JAG2: variants seen among roughly 807,000 people sequenced by gnomAD.
JAG2 encodes jagged canonical Notch ligand 2, also known as protein jagged-2.
Under a neutral mutation model 141.7 loss-of-function variants are expected in JAG2, and 46 were observed. The ratio of observed to expected loss-of-function variants is 0.32; its 90% CI spans 0.26 to 0.42. JAG2 has a LOEUF of 0.42. JAG2 is among the 10% of genes least tolerant of loss of function. The pLI is 1.00. For synonymous variants in JAG2, 862 were observed against 763.5 expected (o/e 1.13, Z -2.13); for missense variants, 1,500 against 1,817.5 (o/e 0.83, Z 3.18).
chr14:105,153,489 G>A (rs1888497487), intron 5 of JAG2, among the ~76,000 whole-genome samples: 1 of 152,186 alleles, frequency 6.6e-6, no homozygotes, highest in South Asian at 2.1e-4. Context: ...GGGTCCCAAG[G>A]GCGTGCTCTC....
At chr14:105,165,092 G>A (rs2140996417) in intron 2 of JAG2, among the ~76,000 whole-genome samples, 1 of 152,314 alleles carries the variant, frequency 6.6e-6, no homozygotes, top group African/African-American at 2.4e-5. Context: ...TGGCAGGCAG[G>A]CTCCTGGGCT....
chr14:105,153,544 TC>T (rs1199627545), intron 5 of JAG2, among the ~76,000 whole-genome samples: 1 of 152,138 alleles, frequency 6.6e-6, no homozygotes, highest in East Asian at 1.9e-4. Flanking sequence ...CCTCCTGGTT[TC>T]CCCAGCCAGC....
intron 2 of JAG2, among the ~76,000 whole-genome samples, chr14:105,166,783 G>A (rs1270007975): frequency 6.6e-6 from 1 of 152,200 alleles, no homozygotes. Context: ...CCTGCTGACT[G>A]GAGCCACTTC....
chr14:105,143,411 CG>C, intron 25 of JAG2, 70 bp downstream of exon 25: 1 of 1,504,230 alleles, frequency 6.6e-7, no homozygotes, highest in Non-Finnish European at 8.9e-7. Context: ...TCGGCAGGAT[CG>C]GCCGGCTCTG....
rs1242630860 is a variant in JAG2 at position 105,142,971 on chromosome 14, C to A, written c.3441G>T (p.Val1147=). 6.2e-7 allele frequency: 1 copy of A among 1,610,170 alleles called. No individual in the cohort carries two copies. The highest frequency in any genetic ancestry group is 8.5e-7 in the Non-Finnish European group (1 of 1,179,184). The change falls in exon 26 of 26, where the codon GTG becomes GTT. Residue 1147 remains valine (V), a synonymous_variant. Coordinates refer to ENST00000331782, the MANE Select transcript of JAG2 (RefSeq NM_002226.5). ...GCGTGAAGTTCTTGCACTGGTAGAG[C>A]ACGTCCTTGTGGCCCCCCGGCCGCT... ...PIERPGGHKD[V]LYQCKNFTPP...
In JAG2 at chr14:105,168,337, C is replaced by CG; in HGVS notation, c.66+17_66+18insC. Reference sequence around the variant, plus strand: ...GTGCCCCGTCCGCGACCCCCGCCGCCCCCGCCGCCCCGCTCACCTGCACCC... The same window carrying CG: ...GTGCCCCGTCCGCGACCCCCGCCGCCGCCCGCCGCCCCGCTCACCTGCACCC... On this transcript the variant is annotated intron_variant, in intron 1 of 25. Coordinates refer to ENST00000331782, the MANE Select transcript of JAG2 (RefSeq NM_002226.5). 1.1e-6 allele frequency: 1 copy of CG among 869,698 alleles called. No individual in the cohort carries two copies. Among genetic ancestry groups the CG allele is most frequent in the Non-Finnish European group, 1.4e-6 (1 of 707,324 alleles). 53.9% of individuals were successfully genotyped at this position (869,698 alleles called of 1,614,324 possible). A position where few individuals can be genotyped will look rare whatever the true frequency, so the allele number is the denominator to read the frequency against.
In JAG2 at chr14:105,155,872, C is replaced by G; in HGVS notation, c.593G>C (p.Cys198Ser). ...AHLELQIRVR[C>S]DENYYSATCN... ...AGTGGCGCTGTAGTAGTTCTCGTCGCAGCGCACGCGGATCTGCAGCTCCAG... is the reference window on the plus strand; with the variant it reads ...AGTGGCGCTGTAGTAGTTCTCGTCGGAGCGCACGCGGATCTGCAGCTCCAG... The change falls in exon 4 of 26, where the codon TGC (cysteine) becomes TCC (serine). Residue 198 changes from cysteine (C) to serine (S), a missense_variant. Physicochemically the swap from Cys to Ser is moderately radical, Grantham distance 112. Around this residue, in one of 3 missense-constraint regions of JAG2, gnomAD observed 875 missense variants for 1,202.2 expected, o/e 0.73. Transcript: ENST00000331782. 6.2e-7 allele frequency: 1 copy of G among 1,612,276 alleles called. No individual in the cohort carries two copies. Among genetic ancestry groups the G allele is most frequent in the Non-Finnish European group, 8.5e-7 (1 of 1,179,742 alleles).
chr14:105,145,849 G>A lies in JAG2; in HGVS notation c.2834C>T (p.Ala945Val). 4 of 1,561,468 alleles carry A rather than the reference G, an allele frequency of 2.6e-6. No individual in the cohort carries two copies. The highest frequency in any genetic ancestry group is 2.6e-6 in the Non-Finnish European group (3 of 1,153,556). The change falls in exon 23 of 26, where the codon GCC (alanine) becomes GTC (valine). Residue 945 changes from alanine to valine, a missense_variant. Coordinates refer to ENST00000331782, the MANE Select transcript of JAG2 (RefSeq NM_002226.5). ...PGQCLRPPCEAWGECGAEEPP... is the reference protein window; with the variant it reads ...PGQCLRPPCEVWGECGAEEPP... ...CTCTTCTGCGCCGCACTCCCCCCAG[G>A]CCTCACAGGGTGGTCGCAGACACTG...
Position 105,147,347 on chromosome 14 carries a change from C to T in JAG2, c.2458G>A (p.Ala820Thr), listed in dbSNP as rs760231337. The stretch of plus-strand genomic sequence containing the variant: ...TCACTGATGCGGCAGTCAGGCCCCG[C>T]GAAGCCAGGTGCACACTCGCAGCGG... ...WFRCECAPGF[A>T]GPDCRINIDE... The change falls in exon 20 of 26, where the codon GCG (alanine) becomes ACG (threonine). Residue 820 changes from alanine to threonine, a missense_variant. Coordinates refer to ENST00000331782, the MANE Select transcript of JAG2 (RefSeq NM_002226.5). 8 of 1,567,752 alleles carry T rather than the reference C, an allele frequency of 5.1e-6. No individual in the cohort carries two copies. Among genetic ancestry groups the T allele is most frequent in the East Asian group, 2.4e-5 (1 of 41,924 alleles).
Position 105,142,402 on chromosome 14 carries a change from T to G in JAG2, c.*293A>C. The G allele has an allele frequency of 7.8e-6, 3 of 384,288 alleles. No homozygotes were observed. Among genetic ancestry groups the G allele is most frequent in the Non-Finnish European group, 9.5e-6 (2 of 211,296 alleles). The allele number at this position is 384,288 out of a possible 1,614,324, so 23.8% of individuals were successfully genotyped here. ...CAACCTCTGGTAACAAACGCTACGA[T>G]TTGGTGACGACGCAGACACCCTTTG... On this transcript the variant is annotated 3_prime_UTR_variant, in exon 26 of 26. Coordinates refer to ENST00000331782, the MANE Select transcript of JAG2 (RefSeq NM_002226.5).
At chr14:105,147,123 G>A in intron 20 of JAG2, 1 of 633,012 alleles carries the variant, frequency 1.6e-6, no homozygotes, top group Non-Finnish European at 2.8e-6. Context: ...CCAGGCTGGG[G>A]CTCCCCACTT....
chr14:105,153,621 G>C (rs944444683), intron 5 of JAG2, among the ~76,000 whole-genome samples: 2 of 152,266 alleles, frequency 1.3e-5, no homozygotes, highest in South Asian at 2.1e-4. Flanking sequence ...CCGGTGGGGG[G>C]GCGTCCTGCA....
chr14:105,143,449 G>A, intron 25 of JAG2, 33 bp downstream of exon 25: 1 of 1,539,804 alleles, frequency 6.5e-7, no homozygotes, highest in Non-Finnish European at 8.7e-7. Context: ...TGCCTGCCTG[G>A]TGCCTTCCCA....
chr14:105,147,952 C>T (rs1380622111), intron 17 of JAG2, 64 bp from the exon 18 acceptor site: 2 of 1,337,796 alleles, frequency 1.5e-6, no homozygotes, highest in South Asian at 1.3e-5. Context: ...GGTCTCCATA[C>T]CGCGCCCCCA....
intron 2 of JAG2, among the ~76,000 whole-genome samples, chr14:105,163,069 A>G (rs587728805): frequency 6.6e-6 from 1 of 152,182 alleles, no homozygotes; most frequent in Non-Finnish European, 1.5e-5. Flanking sequence ...AGCCTCCTAG[A>G]CCTGCTGCCC....
In JAG2 at chr14:105,148,397, C is replaced by T. The variant is rs78154277; in HGVS notation, c.2063G>A (p.Arg688His). 5.7e-3 allele frequency: 9,231 copies of T among 1,612,174 alleles called. 387 individuals are homozygous for T. The Admixed American group carries it at 0.088, about 15-fold the overall frequency. Residue 688 changes from arginine to histidine, a missense_variant, in exon 16 of 26, where the codon CGC becomes CAC. Arg to His is a conservative substitution (Grantham distance 29, BLOSUM62 0). This residue lies in a region of JAG2 where 875 missense variants were observed against 1,202.2 expected (regional missense o/e 0.73). Transcript: ENST00000331782. Reference protein sequence around the residue: ...CLPDPCHSRGRCYDLVNDFYC... With the variant: ...CLPDPCHSRGHCYDLVNDFYC... The stretch of plus-strand genomic sequence containing the variant: ...GAAGTCATTGACCAGGTCGTAGCAG[C>T]GGCCGCGGCTGTGGCAGGGATCGGG...
chr14:105,165,551 C>T (rs922661217), intron 2 of JAG2, among the ~76,000 whole-genome samples: 12 of 152,178 alleles, frequency 7.9e-5, no homozygotes, highest in South Asian at 2.1e-4. Flanking sequence ...AAGCTGAGCC[C>T]GAGACCAGCA....
At chr14:105,149,348 C>A in intron 12 of JAG2, 28 bp from the exon 13 acceptor site, 1 of 1,612,322 alleles carries the variant, frequency 6.2e-7, no homozygotes, top group Non-Finnish European at 8.5e-7. Context: ...CCTGTGAGAG[C>A]CTAGGCCCAG....
At chr14:105,166,703 C>T (rs1055010669) in intron 2 of JAG2, among the ~76,000 whole-genome samples, 39 of 152,206 alleles carry the variant, frequency 2.6e-4, no homozygotes, top group Non-Finnish European at 1.3e-4. Flanking sequence ...GGCGTGAGCT[C>T]GGCAGGGATT....
Sources: allele counts gnomAD v4.1 joint callset (sites outside exome capture counted in the v4.1 genomes callset), GRCh38; gene constraint gnomAD v4.1.1; regional missense constraint gnomAD v4.1.1; transcripts MANE v1.5; gene names NCBI Gene and HGNC (gene_info 2026-07-23, HGNC 2026-07-21).